RHBDL1: variants seen among roughly 807,000 people sequenced by gnomAD.
RHBDL1 encodes the protein rhomboid-related protein 1.
A neutral mutation model predicts 34.0 loss-of-function variants in RHBDL1; 21 were observed. The ratio of observed to expected loss-of-function variants is 0.62; its 90% CI spans 0.44 to 0.89. The LOEUF (loss-of-function observed/expected upper bound fraction) is 0.89, where lower values mean the gene tolerates loss of function less well. Ranked by LOEUF, RHBDL1 falls within the 40% of genes least tolerant of loss-of-function variation. RHBDL1 has a pLI of 0.00. For synonymous variants in RHBDL1, 268 were observed against 234.8 expected (o/e 1.14, Z -1.29); for missense variants, 450 against 530.6 (o/e 0.85, Z 1.49).
chr16:677,725 G>T, intron 7 of RHBDL1, 26 bp downstream of exon 7: 1 of 1,522,648 alleles, frequency 6.6e-7, no homozygotes, highest in South Asian at 1.3e-5. Context: ...GGGGAGGGCC[G>T]GGGGGCCTCT....
intron 7 of RHBDL1, 38 bp from the exon 8 acceptor site, chr16:677,743 C>T (rs769059260): frequency 6.6e-6 from 10 of 1,521,218 alleles, no homozygotes; most frequent in South Asian, 6.5e-5. Context: ...TCTCAGCCTG[C>T]AGCCAGGGCA....
chr16:677,766 C>T lies in RHBDL1; in HGVS notation c.851-15C>T, dbSNP rs373333377. Reference sequence around the variant, plus strand: ...TGCAGCCAGGGCACCTCCCACCTGCCGCGTCCCTCTGCAGTGAGCTCCGAG... The same window carrying T: ...TGCAGCCAGGGCACCTCCCACCTGCTGCGTCCCTCTGCAGTGAGCTCCGAG... On this transcript the variant is annotated splice_polypyrimidine_tract_variant and intron_variant, in intron 7 of 7. Coordinates refer to ENST00000352681, the MANE Select transcript of RHBDL1 (RefSeq NM_001278720.2). The T allele has an allele frequency of 3.3e-5, 50 of 1,521,234 alleles. 1 individual carries two copies. The African/African-American group carries it at 4.1e-4, about 13-fold the overall frequency. The allele number at this position is 1,521,234 out of a possible 1,614,324, so 94.2% of individuals were successfully genotyped here.
Position 676,113 on chromosome 16 carries a change from G to T in RHBDL1, c.40-223G>T. 6.9e-7 allele frequency: 1 copy of T among 1,454,264 alleles called. No homozygotes were observed. Among genetic ancestry groups the T allele is most frequent in the East Asian group, 2.5e-5 (1 of 39,818 alleles). The allele number at this position is 1,454,264 out of a possible 1,614,324, so 90.1% of individuals were successfully genotyped here. ...CCTCGCTTTCCAGGATGGGTAGGGTGGAAGACGGGGGAACAACTGAGGAGC... is the reference window on the plus strand; with the variant it reads ...CCTCGCTTTCCAGGATGGGTAGGGTTGAAGACGGGGGAACAACTGAGGAGC... On this transcript the variant is annotated intron_variant, in intron 1 of 7. Coordinates refer to ENST00000352681, the MANE Select transcript of RHBDL1 (RefSeq NM_001278720.2). The surrounding 1 kb of genome is among the most constrained non-coding windows in gnomAD (Gnocchi z 6.9).
rs2039555572 is a variant in RHBDL1, at chr16:676,939, G to A, written c.427-32G>A. On this transcript the variant is annotated intron_variant, in intron 3 of 7. Coordinates refer to ENST00000352681, the MANE Select transcript of RHBDL1 (RefSeq NM_001278720.2). The surrounding 1 kb of genome is among the most constrained non-coding windows in gnomAD (Gnocchi z 6.9). ...TGCCCCGGGAGCCTCCCGCGCTCCTGGCCATGACCAGCCTAACACTCGTGT... is the reference window on the plus strand; with the variant it reads ...TGCCCCGGGAGCCTCCCGCGCTCCTAGCCATGACCAGCCTAACACTCGTGT... The A allele has an allele frequency of 6.2e-7, 1 of 1,611,440 alleles. No homozygotes were observed. The highest frequency in any genetic ancestry group is 2.2e-5 in the East Asian group (1 of 44,806).
chr16:676,680 C>A lies in RHBDL1; in HGVS notation c.210C>A (p.Ser70Arg). ...CYQELVDLIS[S>R]KRSSSFKRAI... ...CAGGCCCCTGCCCCCAGATCAGCAG[C>A]AAGCGCTCCAGCAGTTTCAAGCGGG... is the stretch of plus-strand genomic sequence containing the variant. The change falls in exon 3 of 8, where the codon AGC becomes AGA. Residue 70 changes from serine (S) to arginine (R), a missense_variant. By Grantham distance (110) the Ser-to-Arg change is moderately radical. Coordinates refer to ENST00000352681, the MANE Select transcript of RHBDL1 (RefSeq NM_001278720.2). The surrounding 1 kb of genome is among the most constrained non-coding windows in gnomAD (Gnocchi z 6.9). The A allele has an allele frequency of 1.2e-6, 2 of 1,611,884 alleles. No homozygotes were observed. The highest frequency in any genetic ancestry group is 1.7e-6 in the Non-Finnish European group (2 of 1,179,816).
At position 676,919 on chromosome 16, in the gene RHBDL1, C is replaced by T. The variant is rs183500792; in HGVS notation, c.426+23C>T. 1.4e-4 allele frequency: 231 copies of T among 1,611,526 alleles called. No homozygotes were observed. The African/African-American group carries it at 2.4e-3, about 17-fold the overall frequency. On this transcript the variant is annotated intron_variant, in intron 3 of 7. Transcript: ENST00000352681. This position sits in a 1 kb window ranked among gnomAD's most constrained non-coding sequence, Gnocchi z 6.9. The stretch of plus-strand genomic sequence containing the variant: ...CAGGTGGGCCCCCCGGCCGCTGCCC[C>T]GGGAGCCTCCCGCGCTCCTGGCCAT...
Position 677,711 on chromosome 16 carries a change from C to T in RHBDL1, c.850+12C>T, listed in dbSNP as rs772632045. 2 of 1,529,716 alleles carry T rather than the reference C, an allele frequency of 1.3e-6. No individual in the cohort carries two copies. The highest frequency in any genetic ancestry group is 1.8e-6 in the Non-Finnish European group (2 of 1,138,734). The allele number at this position is 1,529,716 out of a possible 1,614,324, so 94.8% of individuals were successfully genotyped here. On this transcript the variant is annotated intron_variant, in intron 7 of 7. Coordinates refer to ENST00000352681, the MANE Select transcript of RHBDL1 (RefSeq NM_001278720.2). Reference sequence around the variant, plus strand: ...GGCCTTGGTGTGCAGTGAGTAGGGGCCGGGGGGAGGGCCGGGGGGCCTCTC... The same window carrying T: ...GGCCTTGGTGTGCAGTGAGTAGGGGTCGGGGGGAGGGCCGGGGGGCCTCTC...
intron 1 of RHBDL1, 135 bp downstream of exon 1, chr16:675,964 C>G: frequency 1.5e-6 from 2 of 1,369,862 alleles, no homozygotes; most frequent in Non-Finnish European, 9.6e-7. Context: ...GACCTTGGTC[C>G]GTGTGTCTGG....
chr16:676,009 T>C lies in RHBDL1; in HGVS notation c.39+180T>C. ...AGAGGACTGACTGGACCAGAGCTCC[T>C]GGCTGGAGAAGGGAGAGTCGGGGGG... On this transcript the variant is annotated intron_variant, in intron 1 of 7. Transcript: ENST00000352681. The surrounding 1 kb of genome is among the most constrained non-coding windows in gnomAD (Gnocchi z 6.9). 3 of 1,228,108 alleles carry C rather than the reference T, an allele frequency of 2.4e-6. No individual in the cohort carries two copies. Among genetic ancestry groups the C allele is most frequent in the South Asian group, 1.6e-5 (1 of 61,840 alleles). 76.1% of individuals were successfully genotyped at this position (1,228,108 alleles called of 1,614,324 possible).
rs778300183 is a variant in RHBDL1, at chr16:676,998, C to T, written c.454C>T (p.Arg152Cys). Residue 152 changes from arginine to cysteine, a missense_variant, in exon 4 of 8, where the codon CGC becomes TGC. Physicochemically the swap from Arg to Cys is radical, Grantham distance 180. Transcript: ENST00000352681. This position sits in a 1 kb window ranked among gnomAD's most constrained non-coding sequence, Gnocchi z 6.9. ...CATCGTGTTCCTGTGTTACGGGGCC[C>T]GCCTCAACAAGTGGGTGCTGCAGAC... is the stretch of plus-strand genomic sequence containing the variant. ...QIIVFLCYGA[R>C]LNKWVLQTYH... 4.3e-6 allele frequency: 7 copies of T among 1,612,646 alleles called. No homozygotes were observed. Among genetic ancestry groups the T allele is most frequent in the South Asian group, 1.1e-5 (1 of 91,082 alleles).
At position 677,473 on chromosome 16, in the gene RHBDL1, T is replaced by A. The variant is rs1455098857; in HGVS notation, c.703T>A (p.Ser235Thr). Reference protein sequence around the residue: ...AGVLAGSLTVSITDMRAPVVG... With the variant: ...AGVLAGSLTVTITDMRAPVVG... ...TGCTCACACAGGCTCCCTAACCGTC[T>A]CCATCACCGACATGCGGGCCCCGGT... Residue 235 changes from serine to threonine, a missense_variant, in exon 6 of 8, where the codon TCC (serine) becomes ACC (threonine). Physicochemically the swap from Ser to Thr is moderately conservative, Grantham distance 58. Coordinates refer to ENST00000352681, the MANE Select transcript of RHBDL1 (RefSeq NM_001278720.2). 6.2e-7 allele frequency: 1 copy of A among 1,607,456 alleles called. No homozygotes were observed. The highest frequency in any genetic ancestry group is 1.3e-5 in the African/African-American group (1 of 74,888).
At chr16:677,752 C>T (rs1396211785) in intron 7 of RHBDL1, 29 bp from the exon 8 acceptor site, 10 of 1,519,274 alleles carry the variant, frequency 6.6e-6, no homozygotes, top group Non-Finnish European at 8.8e-6. Flanking sequence ...GCAGCCAGGG[C>T]ACCTCCCACC....
In RHBDL1 at chr16:676,785, G is replaced by C. The variant is rs1362291110; in HGVS notation, c.315G>C (p.Val105=). ...GCCTAGGTGTCTACAAGCGGTTTGT[G>C]CGTTACGTGGCCTACGAGATCCTGC... ...EPGLGVYKRF[V]RYVAYEILPC... The change falls in exon 3 of 8, where the codon GTG becomes GTC. Residue 105 remains valine (V), a synonymous_variant. Transcript: ENST00000352681. This position sits in a 1 kb window ranked among gnomAD's most constrained non-coding sequence, Gnocchi z 6.9. 1 of 1,611,186 alleles carries C rather than the reference G, an allele frequency of 6.2e-7. No homozygotes were observed. The highest frequency in any genetic ancestry group is 1.3e-5 in the African/African-American group (1 of 74,364).
At position 676,203 on chromosome 16, in the gene RHBDL1, A is replaced by G. The variant is rs372014109; in HGVS notation, c.40-133A>G. 1 of 1,530,744 alleles carries G rather than the reference A, an allele frequency of 6.5e-7. No individual in the cohort carries two copies. Among genetic ancestry groups the G allele is most frequent in the Non-Finnish European group, 8.8e-7 (1 of 1,136,074 alleles). The allele number at this position is 1,530,744 out of a possible 1,614,324, so 94.8% of individuals were successfully genotyped here. A position where few individuals can be genotyped will look rare whatever the true frequency, so the allele number is the denominator to read the frequency against. On this transcript the variant is annotated intron_variant, in intron 1 of 7. Coordinates refer to ENST00000352681, the MANE Select transcript of RHBDL1 (RefSeq NM_001278720.2). This position sits in a 1 kb window ranked among gnomAD's most constrained non-coding sequence, Gnocchi z 6.9. ...CTGGGATCAAGCAGGGTCCCAGGGAACAGACAGGCACGGGGCCCCTGTCCC... is the reference window on the plus strand; with the variant it reads ...CTGGGATCAAGCAGGGTCCCAGGGAGCAGACAGGCACGGGGCCCCTGTCCC...
Position 678,116 on chromosome 16 carries a change from C to T in RHBDL1, c.*64C>T, listed in dbSNP as rs1666090172. On this transcript the variant is annotated 3_prime_UTR_variant, in exon 8 of 8. Transcript: ENST00000352681. The stretch of plus-strand genomic sequence containing the variant: ...GTGGTGGCCGCCCACCAGGGGCCTT[C>T]ACGTCTGCCCTTTGTGAACGGACGT... 2 of 1,468,228 alleles carry T rather than the reference C, an allele frequency of 1.4e-6. No homozygotes were observed. Among genetic ancestry groups the T allele is most frequent in the East Asian group, 4.9e-5 (2 of 40,702 alleles). 91.0% of individuals were successfully genotyped at this position (1,468,228 alleles called of 1,614,324 possible).
Position 677,477 on chromosome 16 carries a change from T to C in RHBDL1, c.707T>C (p.Ile236Thr). The C allele has an allele frequency of 6.2e-7, 1 of 1,608,038 alleles. No homozygotes were observed. The highest frequency in any genetic ancestry group is 1.1e-5 in the South Asian group (1 of 90,850). ...CACACAGGCTCCCTAACCGTCTCCA[T>C]CACCGACATGCGGGCCCCGGTGGTG... ...GVLAGSLTVS[I>T]TDMRAPVVGG... Residue 236 changes from isoleucine to threonine, a missense_variant, in exon 6 of 8, where the codon ATC becomes ACC. Coordinates refer to ENST00000352681, the MANE Select transcript of RHBDL1 (RefSeq NM_001278720.2).
At chr16:675,904 G>C in intron 1 of RHBDL1, 75 bp downstream of exon 1, 2 of 1,435,646 alleles carry the variant, frequency 1.4e-6, no homozygotes, top group Non-Finnish European at 9.2e-7. Context: ...GAGCTTGTGC[G>C]GGACCGAGCT....
At position 676,258 on chromosome 16, in the gene RHBDL1, C is replaced by G; in HGVS notation, c.40-78C>G. ...GTGCTGGGAGCCTGAGCCTGATGCT[C>G]CCAGCCAGCCTGGCCCAGCCCTTTG... On this transcript the variant is annotated intron_variant, in intron 1 of 7. Coordinates refer to ENST00000352681, the MANE Select transcript of RHBDL1 (RefSeq NM_001278720.2). This position sits in a 1 kb window ranked among gnomAD's most constrained non-coding sequence, Gnocchi z 6.9. The G allele has an allele frequency of 6.4e-7, 1 of 1,564,832 alleles. No homozygotes were observed. Among genetic ancestry groups the G allele is most frequent in the Admixed American group, 1.9e-5 (1 of 53,026 alleles).
Position 675,759 on chromosome 16 carries a change from C to CGACCCCG in RHBDL1, c.-23_-17dup, listed in dbSNP as rs945716441. On this transcript the variant is annotated 5_prime_UTR_variant, in exon 1 of 8. Transcript: ENST00000352681. ...AGCAGCCCCTCCCGGCCGCGGCCGC[C>CGACCCCG]GACCCCGGACCCCGGCCCCCGGCCA... The CGACCCCG allele has an allele frequency of 7.0e-6, 10 of 1,434,014 alleles. No individual in the cohort carries two copies. The highest frequency in any genetic ancestry group is 1.4e-5 in the South Asian group (1 of 73,346). 88.8% of individuals were successfully genotyped at this position (1,434,014 alleles called of 1,614,324 possible). A position where few individuals can be genotyped will look rare whatever the true frequency, so the allele number is the denominator to read the frequency against.
Sources: gnomAD v4.1 joint callset for allele counts on GRCh38, gnomAD v4.1.1 for gene constraint, Gnocchi (gnomAD v3.1) non-coding constraint, MANE v1.5 for transcripts, NCBI Gene and HGNC (gene_info 2026-07-23, HGNC 2026-07-21) for gene names.